The following TNFRSF10A variants were observed in gnomAD, a reference collection of about 807,000 sequenced individuals.
TNFRSF10A encodes the protein TNF receptor superfamily member 10a.
A neutral mutation model predicts 42.8 loss-of-function variants in TNFRSF10A; 44 were observed. The observed-to-expected ratio is 1.03, with a 90% confidence interval of 0.81 to 1.32. The LOEUF is 1.32. TNFRSF10A is among the 40% of genes most tolerant of loss of function. The pLI is 0.00. For missense variants in TNFRSF10A, 680 were observed against 602.0 expected, an observed-to-expected ratio of 1.13 and a Z score of -1.36; for synonymous variants, 259 against 234.2, an observed-to-expected ratio of 1.11 and a Z score of -0.97.
intron 1 of TNFRSF10A, among the ~76,000 whole-genome samples, chr8:23,221,031 T>A (rs989119260): frequency 6.6e-6 from 1 of 152,204 alleles, no homozygotes; most frequent in African/African-American, 2.4e-5. Context: ...GGCTCCTCTG[T>A]TCCTCCACGG....
In TNFRSF10A at chr8:23,197,180, G is replaced by A. The variant is rs996749584; in HGVS notation, c.1039C>T (p.Gln347Ter). ...GCTGGAACCAGCAGCCTCCTCCTCT[G>A]AGACCCTTCAGCTTCTGCCGGTCCC... ...LLGPAEAEGSQRRRLLVPANG... is the reference protein window; with the variant it reads ...LLGPAEAEGS The change falls in exon 9 of 10, where the codon CAG becomes TAG. Residue 347 changes from glutamine to a stop codon, truncating the protein, a stop_gained. Transcript: ENST00000221132. LOFTEE classifies it low-confidence loss of function (END_TRUNC). 1 of 1,614,138 alleles carries A rather than the reference G, an allele frequency of 6.2e-7. No individual in the cohort carries two copies. Among genetic ancestry groups the A allele is most frequent in the South Asian group, 1.1e-5 (1 of 91,082 alleles).
intron 2 of TNFRSF10A, among the ~76,000 whole-genome samples, chr8:23,204,052 C>G (rs1371731221): frequency 6.6e-6 from 1 of 152,136 alleles, no homozygotes; most frequent in Non-Finnish European, 1.5e-5. Context: ...GCTGGGATTA[C>G]AGGAGTGAGC....
chr8:23,195,657 A>T, intron 9 of TNFRSF10A, among the ~76,000 whole-genome samples: 1 of 152,222 alleles, frequency 6.6e-6, no homozygotes, highest in South Asian at 2.1e-4. Context: ...TGTGTGGGTA[A>T]TCAGGCCACG....
At position 23,224,908 on chromosome 8, in the gene TNFRSF10A, G is replaced by A. The variant is rs370216458; in HGVS notation, c.154C>T (p.Arg52Ter). 20 of 1,595,790 alleles carry A rather than the reference G, an allele frequency of 1.3e-5. No homozygotes were observed. The South Asian group carries it at 1.8e-4, about 14-fold the overall frequency. Residue 52 changes from arginine to a stop codon, truncating the protein, a stop_gained, in exon 1 of 10, where the codon CGA becomes TGA. Coordinates refer to ENST00000221132, the MANE Select transcript of TNFRSF10A (RefSeq NM_003844.4). LOFTEE classifies it high-confidence loss of function. Reference protein sequence around the residue: ...AGRIEPRGGGRGALPTSMGQH... With the variant: ...AGRIEPRGGG ...CCCATGGAGGTAGGGAGCGCTCCTC[G>A]GCCCCCGCCTCGTGGTTCAATCCTC...
intron 2 of TNFRSF10A, among the ~76,000 whole-genome samples, chr8:23,211,609 A>C (rs1423701984): frequency 1.3e-5 from 2 of 152,222 alleles, no homozygotes; most frequent in Non-Finnish European, 2.9e-5. Context: ...AAAGGAAAAC[A>C]AAAAAGAAAG....
At chr8:23,215,235 G>A (rs1350960419) in intron 1 of TNFRSF10A, among the ~76,000 whole-genome samples, 4 of 152,222 alleles carry the variant, frequency 2.6e-5, no homozygotes, top group South Asian at 2.1e-4. Context: ...AGAGCAGGGG[G>A]GCCGGGCGCC....
intron 1 of TNFRSF10A, among the ~76,000 whole-genome samples, chr8:23,217,470 C>G (rs1208600763): frequency 3.9e-5 from 6 of 152,258 alleles, no homozygotes; most frequent in Admixed American, 3.3e-4. Flanking sequence ...CCCACCTCAG[C>G]CTCCCGAAGT....
chr8:23,217,706 G>A (rs551274038), intron 1 of TNFRSF10A, among the ~76,000 whole-genome samples: 36 of 152,212 alleles, frequency 2.4e-4, no homozygotes, highest in African/African-American at 7.5e-4. Context: ...GCATTGGTGC[G>A]GGCTTCCTAG....
At position 23,191,690 on chromosome 8, in the gene TNFRSF10A, T is replaced by G; in HGVS notation, c.*4A>C. ...AAGAGGAAACCTCTGGTAAAAAGAGTCTTTCACTCCAAGGACACGGCAGAG... is the reference window on the plus strand; with the variant it reads ...AAGAGGAAACCTCTGGTAAAAAGAGGCTTTCACTCCAAGGACACGGCAGAG... On this transcript the variant is annotated 3_prime_UTR_variant, in exon 10 of 10. Transcript: ENST00000221132. 1 of 1,607,818 alleles carries G rather than the reference T, an allele frequency of 6.2e-7. No individual in the cohort carries two copies. The highest frequency in any genetic ancestry group is 8.5e-7 in the Non-Finnish European group (1 of 1,177,306).
intron 1 of TNFRSF10A, among the ~76,000 whole-genome samples, chr8:23,224,258 C>T (rs932805380): frequency 1.4e-5 from 2 of 146,506 alleles, no homozygotes; most frequent in Admixed American, 1.4e-4. Flanking sequence ...CGAGATCGCG[C>T]CACTACACTC....
At chr8:23,196,658 G>A (rs920542562) in intron 9 of TNFRSF10A, among the ~76,000 whole-genome samples, 1 of 152,216 alleles carries the variant, frequency 6.6e-6, no homozygotes, top group Non-Finnish European at 1.5e-5. Flanking sequence ...TGTGCAGTGA[G>A]CACCAAGACC....
In TNFRSF10A at chr8:23,200,512, G is replaced by C; in HGVS notation, c.792C>G (p.Ile264Met). 1 of 1,614,174 alleles carries C rather than the reference G, an allele frequency of 6.2e-7. No homozygotes were observed. The highest frequency in any genetic ancestry group is 8.5e-7 in the Non-Finnish European group (1 of 1,180,034). ...LVAVLIVCCC[I>M]GSGCGGDPKC... is the part of the protein sequence containing the mutation. ...CCCTCAGCCAGCACCTACCTGAGCC[G>C]ATGCAACAACAGACAATCAGCACAG... Residue 264 changes from isoleucine (I) to methionine (M), a missense_variant, in exon 6 of 10, where the codon ATC becomes ATG. Transcript: ENST00000221132.
Position 23,192,035 on chromosome 8 carries a change from G to A in TNFRSF10A, c.1088-22C>T, listed in dbSNP as rs555116098. On this transcript the variant is annotated intron_variant, in intron 9 of 9. Coordinates refer to ENST00000221132, the MANE Select transcript of TNFRSF10A (RefSeq NM_003844.4). ...AGAGCTGGGTGGAGAAAGCCACAGA[G>A]ACAGCCAGATGAGTTGGGACTCAGT... 1.4e-4 allele frequency: 228 copies of A among 1,600,548 alleles called. 2 individuals carry two copies. The South Asian group carries it at 2.3e-3, about 16-fold the overall frequency.
In TNFRSF10A at chr8:23,191,882, C is replaced by T. The variant is rs372471885; in HGVS notation, c.1219G>A (p.Ala407Thr). 2.3e-5 allele frequency: 37 copies of T among 1,614,020 alleles called. No individual in the cohort carries two copies. The highest frequency in any genetic ancestry group is 1.6e-4 in the Middle Eastern group (1 of 6,084). ...VRAGTAGPGDALYAMLMKWVN... is the reference protein window; with the variant it reads ...VRAGTAGPGDTLYAMLMKWVN... Reference sequence around the variant, plus strand: ...CATTTCATCAGCATTGCATACAAGGCATCCCCTGGGCCTGCTGTACCAGCT... The same window carrying T: ...CATTTCATCAGCATTGCATACAAGGTATCCCCTGGGCCTGCTGTACCAGCT... The change falls in exon 10 of 10, where the codon GCC (alanine) becomes ACC (threonine). Residue 407 changes from alanine (A) to threonine (T), a missense_variant. By Grantham distance (58) the Ala-to-Thr change is moderately conservative (BLOSUM62 0). Coordinates refer to ENST00000221132, the MANE Select transcript of TNFRSF10A (RefSeq NM_003844.4).
Position 23,192,338 on chromosome 8 carries a change from A to C in TNFRSF10A, c.1088-325T>G, listed in dbSNP as rs147697036. 3.0e-3 allele frequency among the ~76,000 whole-genome samples: 451 copies of C among 152,282 alleles called. 2 individuals are homozygous for C. The highest frequency in any genetic ancestry group is 6.8e-3 in the Middle Eastern group (2 of 292). On this transcript the variant is annotated intron_variant, in intron 9 of 9. Transcript: ENST00000221132. ...GGGTGAGAGCCCGAGGGAGGGAGGG[A>C]GAGTGGCTGCAGCGGGAGCTCAGAG...
chr8:23,199,217 C>T (rs745622814), intron 8 of TNFRSF10A, 49 bp downstream of exon 8: 24 of 1,580,796 alleles, frequency 1.5e-5, no homozygotes, highest in Non-Finnish European at 2.1e-5. Context: ...CGAGGCATGG[C>T]CTTCACCCCC....
chr8:23,198,728 C>A (rs3808531), intron 8 of TNFRSF10A, among the ~76,000 whole-genome samples: 3 of 151,884 alleles, frequency 2.0e-5, no homozygotes, highest in Non-Finnish European at 2.9e-5. Flanking sequence ...TGTGTGGGTA[C>A]GTGCATGTGT....
At chr8:23,218,780 C>T (rs1235328060) in intron 1 of TNFRSF10A, among the ~76,000 whole-genome samples, 3 of 152,212 alleles carry the variant, frequency 2.0e-5, no homozygotes, top group Non-Finnish European at 4.4e-5. Context: ...TCCTCCTGCC[C>T]AGCCCCTCTA....
rs1165423753 is a variant in TNFRSF10A at position 23,210,759 on chromosome 8, G to C, written c.403+1357C>G. Among the ~76,000 whole-genome samples, 10 of 152,180 alleles carry C rather than the reference G, an allele frequency of 6.6e-5. No individual in the cohort carries two copies. In the South Asian group the frequency reaches 1.7e-3, roughly 25 times the overall value. On this transcript the variant is annotated intron_variant, in intron 2 of 9. Coordinates refer to ENST00000221132, the MANE Select transcript of TNFRSF10A (RefSeq NM_003844.4). ...AGTTTTATCCTAGGAATGAAAGGTTGGTTCAACATCCCAAAATAAATTGAT... is the reference window on the plus strand; with the variant it reads ...AGTTTTATCCTAGGAATGAAAGGTTCGTTCAACATCCCAAAATAAATTGAT...
Sources: gnomAD v4.1 joint callset for allele counts (sites outside exome capture counted in the v4.1 genomes callset) on GRCh38, gnomAD v4.1.1 for gene constraint, MANE v1.5 for transcripts, NCBI Gene and HGNC (gene_info 2026-07-23, HGNC 2026-07-21) for gene names.